Variants in SCFD2 observed in about 807,000 individuals in gnomAD.
SCFD2 encodes sec1 family domain-containing protein 2.
SCFD2 carries 54 observed loss-of-function variants against 58.9 expected under a neutral mutation model. That is an observed-to-expected ratio of 0.92 (90% CI 0.74 to 1.15). The LOEUF (loss-of-function observed/expected upper bound fraction) is 1.15, where lower values mean the gene tolerates loss of function less well. Among genes scored for constraint, SCFD2 ranks in the 50% most tolerant of loss-of-function variants. SCFD2 has a pLI of 0.00. For synonymous variants in SCFD2, 321 were observed against 335.9 expected (o/e 0.96, Z 0.49); for missense variants, 805 against 836.6 (o/e 0.96, Z 0.47).
intron 5 of SCFD2, among the ~76,000 whole-genome samples, chr4:53,034,436 C>T (rs1469532419): frequency 6.6e-6 from 1 of 152,136 alleles, no homozygotes. Context: ...CCCACTCTAA[C>T]CACTCCTATT....
chr4:53,036,091 G>A (rs920390474), intron 5 of SCFD2, among the ~76,000 whole-genome samples: 2 of 151,518 alleles, frequency 1.3e-5, no homozygotes, highest in Non-Finnish European at 2.9e-5. Flanking sequence ...TTAAGTTCTA[G>A]GGTACATGTG....
At chr4:53,242,128 T>C (rs974098045) in intron 4 of SCFD2, among the ~76,000 whole-genome samples, 37 of 152,368 alleles carry the variant, frequency 2.4e-4, no homozygotes, top group South Asian at 6.2e-4. Flanking sequence ...GACAAGCATG[T>C]AGCCTGCTGC....
At chr4:53,080,488 G>A (rs6843335) in intron 5 of SCFD2, among the ~76,000 whole-genome samples, 53,821 of 151,948 alleles carry the variant, frequency 0.35, 10,567 homozygotes, top group Non-Finnish European at 0.42. Context: ...TGAAAATAAC[G>A]TATATAGAAA....
intron 5 of SCFD2, among the ~76,000 whole-genome samples, chr4:52,930,541 A>G (rs1027875391): frequency 1.3e-5 from 2 of 152,152 alleles, no homozygotes; most frequent in Non-Finnish European, 2.9e-5. Context: ...AAAATAGACG[A>G]TCCTAGATCA....
intron 3 of SCFD2, among the ~76,000 whole-genome samples, chr4:53,308,660 G>A (rs1044897015): frequency 1.3e-5 from 2 of 152,066 alleles, no homozygotes; most frequent in Non-Finnish European, 2.9e-5. Context: ...ATCAAAAACA[G>A]GAAGTAGAAC....
intron 5 of SCFD2, among the ~76,000 whole-genome samples, chr4:53,106,814 C>G (rs1725017257): frequency 1.3e-5 from 2 of 152,138 alleles, no homozygotes; most frequent in African/African-American, 4.8e-5. Context: ...AGGATATTAT[C>G]CAGGAGAACT....
chr4:53,020,809 T>A (rs1483811370), intron 5 of SCFD2, among the ~76,000 whole-genome samples: 1 of 152,152 alleles, frequency 6.6e-6, no homozygotes, highest in African/African-American at 2.4e-5. Flanking sequence ...AAGATGGAGC[T>A]AGGGTGCCTA....
At chr4:53,209,734 T>C (rs757340470) in intron 4 of SCFD2, among the ~76,000 whole-genome samples, 11 of 151,836 alleles carry the variant, frequency 7.2e-5, no homozygotes, top group Non-Finnish European at 1.5e-4. Flanking sequence ...AGTCCTTAGA[T>C]TGTTTTGCTA....
In SCFD2 at chr4:52,873,924, A is replaced by T. The variant is rs767920057; in HGVS notation, c.*45T>A. The T allele has an allele frequency of 7.0e-7, 1 of 1,420,518 alleles. No individual in the cohort carries two copies. Among genetic ancestry groups the T allele is most frequent in the Non-Finnish European group, 1.0e-6 (1 of 1,004,162 alleles). 88.0% of individuals were successfully genotyped at this position (1,420,518 alleles called of 1,614,324 possible). A position where few individuals can be genotyped will look rare whatever the true frequency, so the allele number is the denominator to read the frequency against. On this transcript the variant is annotated 3_prime_UTR_variant, in exon 9 of 9. Transcript: ENST00000401642. ...ATTTGGAGTGGTGGCAGAAAATTGC[A>T]TCGGCATTTCCAGCTTGAGTAGGTC...
chr4:53,228,830 T>C (rs1276496868), intron 4 of SCFD2, among the ~76,000 whole-genome samples: 1 of 152,210 alleles, frequency 6.6e-6, no homozygotes, highest in Non-Finnish European at 1.5e-5. Flanking sequence ...GAATTCAAAT[T>C]GTCCCTGTTT....
chr4:53,060,246 C>T (rs1310871209), intron 5 of SCFD2, among the ~76,000 whole-genome samples: 1 of 152,090 alleles, frequency 6.6e-6, no homozygotes, highest in Non-Finnish European at 1.5e-5. Flanking sequence ...TCTACTTTCT[C>T]TATGAAAAAA....
chr4:53,103,613 C>T (rs1486500378), intron 5 of SCFD2, among the ~76,000 whole-genome samples: 2 of 148,248 alleles, frequency 1.3e-5, no homozygotes, highest in Non-Finnish European at 3.0e-5. Flanking sequence ...AGAACAATGA[C>T]ATTCCAGTAG....
chr4:53,366,053 T>A lies in SCFD2; in HGVS notation c.-112A>T. The A allele has an allele frequency of 7.7e-7, 1 of 1,291,750 alleles. No homozygotes were observed. Among genetic ancestry groups the A allele is most frequent in the Non-Finnish European group, 1.1e-6 (1 of 951,712 alleles). 80.0% of individuals were successfully genotyped at this position (1,291,750 alleles called of 1,614,324 possible). A position where few individuals can be genotyped will look rare whatever the true frequency, so the allele number is the denominator to read the frequency against. On this transcript the variant is annotated 5_prime_UTR_variant, in exon 1 of 9. Transcript: ENST00000401642. The stretch of plus-strand genomic sequence containing the variant: ...TTGACAGTCTCCACAGTACACGTGG[T>A]CGGCCTCTGACACGCTCCCTGATGG...
chr4:53,175,505 A>G (rs1418405331), intron 4 of SCFD2, among the ~76,000 whole-genome samples: 1 of 152,234 alleles, frequency 6.6e-6, no homozygotes, highest in Non-Finnish European at 1.5e-5. Flanking sequence ...TTCATTATAG[A>G]CTGAAATTAG....
intron 3 of SCFD2, among the ~76,000 whole-genome samples, chr4:53,308,523 A>C (rs1191629274): frequency 6.6e-6 from 1 of 152,090 alleles, no homozygotes; most frequent in Admixed American, 6.6e-5. Flanking sequence ...TTATACACAC[A>C]TAACAAAGAG....
intron 3 of SCFD2, among the ~76,000 whole-genome samples, chr4:53,294,938 C>A (rs1258342139): frequency 6.6e-6 from 1 of 152,152 alleles, no homozygotes; most frequent in Non-Finnish European, 1.5e-5. Flanking sequence ...TGTTAAAGAT[C>A]AGATGGTTGC....
intron 5 of SCFD2, among the ~76,000 whole-genome samples, chr4:53,071,623 A>G (rs975911961): frequency 6.6e-6 from 1 of 152,128 alleles, no homozygotes; most frequent in Non-Finnish European, 1.5e-5. Context: ...TTATCTTGCC[A>G]AAAGTTAATA....
chr4:53,295,506 GAAGTTGCTTATCTGCTT>G (rs1731996216), intron 3 of SCFD2, among the ~76,000 whole-genome samples: 2 of 152,174 alleles, frequency 1.3e-5, no homozygotes, highest in Admixed American at 1.3e-4. Context: ...AGACTTTGCT[GAAGTTGCTTATCTGCTT>G]AAGAAGATTT....
At chr4:52,926,948 T>C (rs181023509) in intron 5 of SCFD2, among the ~76,000 whole-genome samples, 152 of 152,284 alleles carry the variant, frequency 1.0e-3, no homozygotes, top group Middle Eastern at 3.4e-3. Context: ...ATTTGGCAAA[T>C]GAAAACAAAA....
Sources: allele counts gnomAD v4.1 joint callset (sites outside exome capture counted in the v4.1 genomes callset), GRCh38; gene constraint gnomAD v4.1.1; transcripts MANE v1.5; gene names NCBI Gene and HGNC (gene_info 2026-07-23, HGNC 2026-07-21).